Variants in TLE1 observed in about 807,000 individuals in gnomAD.
TLE1 encodes TLE family member 1, transcriptional corepressor.
TLE1 carries 21 observed loss-of-function variants against 89.8 expected under a neutral mutation model. The observed-to-expected ratio is 0.23, with a 90% confidence interval of 0.17 to 0.34. The LOEUF is 0.34. Ranked by LOEUF, TLE1 falls within the 10% of genes least tolerant of loss-of-function variation. TLE1 has a pLI of 1.00. For missense variants in TLE1, 795 were observed against 1,031.2 expected (o/e 0.77, Z 3.14); for synonymous variants, 447 against 407.6 (o/e 1.10, Z -1.16).
rs551265023 is a variant in TLE1 at position 81,688,308 on chromosome 9, C to T, written c.-68G>A. On this transcript the variant is annotated 5_prime_UTR_variant, in exon 1 of 20. Coordinates refer to ENST00000376499, the MANE Select transcript of TLE1 (RefSeq NM_005077.5). Reference sequence around the variant, plus strand: ...TCTCCGGTCAATTTCCAACTTTAATCCCGCCGAGGAAAATTAAGCCGGAAA... The same window carrying T: ...TCTCCGGTCAATTTCCAACTTTAATTCCGCCGAGGAAAATTAAGCCGGAAA... The T allele has an allele frequency of 1.4e-6, 2 of 1,454,334 alleles. No homozygotes were observed. The highest frequency in any genetic ancestry group is 2.9e-5 in the Admixed American group (1 of 34,414). The allele number at this position is 1,454,334 out of a possible 1,614,324, so 90.1% of individuals were successfully genotyped here. A position where few individuals can be genotyped will look rare whatever the true frequency, so the allele number is the denominator to read the frequency against.
At chr9:81,676,948 C>T (rs1348029269) in intron 4 of TLE1, among the ~76,000 whole-genome samples, 1 of 152,192 alleles carries the variant, frequency 6.6e-6, no homozygotes, top group Non-Finnish European at 1.5e-5. Flanking sequence ...ATGTAACTTA[C>T]AAATTTGGCC....
chr9:81,617,547 C>G (rs1358760858), intron 9 of TLE1, among the ~76,000 whole-genome samples: 1 of 151,732 alleles, frequency 6.6e-6, no homozygotes, highest in Non-Finnish European at 1.5e-5. Context: ...ACTAAAAATA[C>G]AAAAATTAGC....
Position 81,589,533 on chromosome 9 carries a change from G to A in TLE1, c.1829+1272C>T, listed in dbSNP as rs561809430. On this transcript the variant is annotated intron_variant, in intron 16 of 19. Coordinates refer to ENST00000376499, the MANE Select transcript of TLE1 (RefSeq NM_005077.5). ...GTATTTACTCCCCAGGAGCCGGCAC[G>A]GAGCAAGGGTTCAGAGTACAGACGA... is the stretch of plus-strand genomic sequence containing the variant. Among the ~76,000 whole-genome samples, 21 of 152,206 alleles carry A rather than the reference G, an allele frequency of 1.4e-4. No homozygotes were observed. In the South Asian group the frequency reaches 3.7e-3, roughly 27 times the overall value.
At chr9:81,678,780 C>T (rs2133077378) in intron 4 of TLE1, among the ~76,000 whole-genome samples, 1 of 151,842 alleles carries the variant, frequency 6.6e-6, no homozygotes, top group South Asian at 2.1e-4. Context: ...GTAGAGGTTG[C>T]AGTGAGCCGA....
At chr9:81,663,512 T>C (rs1447711454) in intron 4 of TLE1, among the ~76,000 whole-genome samples, 1 of 151,924 alleles carries the variant, frequency 6.6e-6, no homozygotes, top group Non-Finnish European at 1.5e-5. Context: ...CAAGGACAAG[T>C]CCGCATGATC....
rs145280231 is a variant in TLE1, at chr9:81,685,863, T to C, written c.159A>G (p.Glu53=). The C allele has an allele frequency of 6.2e-6, 10 of 1,613,826 alleles. No individual in the cohort carries two copies. The African/African-American group carries it at 1.3e-4, about 22-fold the overall frequency. The change falls in exon 3 of 20, where the codon GAA becomes GAG. Residue 53 remains glutamate, a synonymous_variant. Transcript: ENST00000376499. ...CATAGTGCCTCTGCATTTCTGTCTT[T>C]TCACTTGCCAGTTTCTCACATTCCA... ...LKLECEKLAS[E]KTEMQRHYVM... is the part of the protein sequence containing the mutation.
rs147436036 is a variant in TLE1 at position 81,631,712 on chromosome 9, A to G, written c.594+1636T>C. On this transcript the variant is annotated intron_variant, in intron 8 of 19. Transcript: ENST00000376499. ...AATAAGTTCAATAGATTTAAAACGC[A>G]TAACAGCCTAAAGGGCATGGGCTTT... 4.9e-4 allele frequency among the ~76,000 whole-genome samples: 74 copies of G among 152,366 alleles called. 1 individual carries two copies. The highest frequency in any genetic ancestry group is 1.2e-3 in the African/African-American group (51 of 41,596).
intron 4 of TLE1, among the ~76,000 whole-genome samples, chr9:81,669,016 C>G (rs1043845066): frequency 6.6e-6 from 1 of 152,140 alleles, no homozygotes; most frequent in Non-Finnish European, 1.5e-5. Flanking sequence ...CCCACAGCAC[C>G]AGAAACCAAA....
chr9:81,674,226 T>C (rs1416674558), intron 4 of TLE1, among the ~76,000 whole-genome samples: 1 of 152,236 alleles, frequency 6.6e-6, no homozygotes, highest in Non-Finnish European at 1.5e-5. Flanking sequence ...TGTTCTGTAA[T>C]ACATTTACTG....
chr9:81,678,206 A>G (rs920614060), intron 4 of TLE1, among the ~76,000 whole-genome samples: 1 of 152,116 alleles, frequency 6.6e-6, no homozygotes, highest in Non-Finnish European at 1.5e-5. Flanking sequence ...ATAGAATACA[A>G]TTTATTGTTT....
intron 8 of TLE1, among the ~76,000 whole-genome samples, chr9:81,622,155 C>A (rs1192161322): frequency 6.6e-6 from 1 of 152,236 alleles, no homozygotes; most frequent in East Asian, 1.9e-4. Flanking sequence ...TGGGCCGGGG[C>A]AGCAGCTGCT....
rs763887999 is a variant in TLE1 at position 81,588,512 on chromosome 9, G to A, written c.1830-684C>T. 5.8e-4 allele frequency among the ~76,000 whole-genome samples: 88 copies of A among 152,234 alleles called. 3 individuals are homozygous for A. The highest frequency in any genetic ancestry group is 9.9e-4 in the Non-Finnish European group (67 of 68,012). On this transcript the variant is annotated intron_variant, in intron 16 of 19. Transcript: ENST00000376499. Reference sequence around the variant, plus strand: ...CAGGTAATTGCTGAGGCAGACCCACGGGCACCTCAGCAAGACTCTGCCTCC... The same window carrying A: ...CAGGTAATTGCTGAGGCAGACCCACAGGCACCTCAGCAAGACTCTGCCTCC...
chr9:81,677,619 A>T (rs1362371078), intron 4 of TLE1, among the ~76,000 whole-genome samples: 1 of 151,668 alleles, frequency 6.6e-6, no homozygotes, highest in East Asian at 1.9e-4. Context: ...CAAGCTTTTC[A>T]CCAAGAGGTT....
At chr9:81,681,975 G>A (rs1272063353) in intron 4 of TLE1, among the ~76,000 whole-genome samples, 2 of 152,130 alleles carry the variant, frequency 1.3e-5, no homozygotes, top group Non-Finnish European at 2.9e-5. Context: ...GCCGGGTGTG[G>A]TAGCTCATGC....
rs561282828 is a variant in TLE1, at chr9:81,628,157, C to T, written c.594+5191G>A. Among the ~76,000 whole-genome samples, 3 of 152,268 alleles carry T rather than the reference C, an allele frequency of 2.0e-5. No homozygotes were observed. The South Asian group carries it at 6.2e-4, about 32-fold the overall frequency. ...GAATGATGCATTCACTGCCGTCTTG[C>T]TACTCTGCAAATGGCGGTGGGAGGA... On this transcript the variant is annotated intron_variant, in intron 8 of 19. Coordinates refer to ENST00000376499, the MANE Select transcript of TLE1 (RefSeq NM_005077.5).
intron 6 of TLE1, among the ~76,000 whole-genome samples, chr9:81,634,937 C>G (rs575480580): frequency 2.6e-5 from 4 of 152,304 alleles, no homozygotes; most frequent in African/African-American, 9.6e-5. Context: ...GTGGGTGTCT[C>G]ATGCACCACC....
chr9:81,636,044 T>A (rs950224591), intron 6 of TLE1, among the ~76,000 whole-genome samples: 1 of 152,100 alleles, frequency 6.6e-6, no homozygotes, highest in African/African-American at 2.4e-5. Context: ...ACCATCTTTA[T>A]AAACTTTCAT....
chr9:81,660,080 T>C (rs1163748664), intron 4 of TLE1, among the ~76,000 whole-genome samples: 2 of 152,116 alleles, frequency 1.3e-5, no homozygotes, highest in East Asian at 3.9e-4. Context: ...TTCCATACAG[T>C]TTCTTAACAG....
chr9:81,588,523 C>T (rs1218897527), intron 16 of TLE1, among the ~76,000 whole-genome samples: 1 of 152,154 alleles, frequency 6.6e-6, no homozygotes, highest in Non-Finnish European at 1.5e-5. Context: ...GGCACCTCAG[C>T]AAGACTCTGC....
Sources: allele counts gnomAD v4.1 joint callset (sites outside exome capture counted in the v4.1 genomes callset), GRCh38; gene constraint gnomAD v4.1.1; transcripts MANE v1.5; gene names NCBI Gene and HGNC (gene_info 2026-07-23, HGNC 2026-07-21).